Variants in ARHGEF19 observed in about 807,000 individuals in gnomAD.
The protein encoded by ARHGEF19 is Rho guanine nucleotide exchange factor (GEF) 19.
ARHGEF19 carries 92 observed loss-of-function variants against 87.6 expected under a neutral mutation model. That is an observed-to-expected ratio of 1.05 (90% CI 0.89 to 1.25). ARHGEF19 has a LOEUF of 1.25. ARHGEF19 is among the 50% of genes most tolerant of loss of function. The pLI is 0.00. For missense variants in ARHGEF19, 1,054 were observed against 1,051.8 expected (o/e 1.00, Z -0.03); for synonymous variants, 438 against 446.2 (o/e 0.98, Z 0.23).
In ARHGEF19 at chr1:16,202,641, T is replaced by G. The variant is rs972630843; in HGVS notation, c.1908-67A>C. The G allele has an allele frequency of 1.9e-6, 3 of 1,561,800 alleles. No individual in the cohort carries two copies. In the African/African-American group the frequency reaches 4.1e-5, roughly 21 times the overall value. On this transcript the variant is annotated intron_variant, in intron 12 of 15. Transcript: ENST00000270747. ...TGGCTCTAGGCACCCACCCTCGGGA[T>G]CAGGTGGGTTCTGACTGGAAGTGGG...
rs1371843774 is a variant in ARHGEF19 at position 16,207,876 on chromosome 1, G to T, written c.694+68C>A. The T allele has an allele frequency of 8.2e-6, 13 of 1,584,364 alleles. No homozygotes were observed. The highest frequency in any genetic ancestry group is 1.1e-5 in the Non-Finnish European group (13 of 1,165,712). On this transcript the variant is annotated intron_variant, in intron 3 of 15. Transcript: ENST00000270747. This position sits in a 1 kb window ranked among gnomAD's most constrained non-coding sequence, Gnocchi z 4.0. ...TGACGGCCTCAGGCGGCCGGTGAGT[G>T]GGCATCGCCCACCCCCACCCCCACC...
chr1:16,207,020 CCACAGCGAGAAG>C lies in ARHGEF19; in HGVS notation c.1053_1064del (p.Phe352_Trp355del). The C allele has an allele frequency of 6.6e-7, 1 of 1,517,574 alleles. No individual in the cohort carries two copies. The highest frequency in any genetic ancestry group is 2.7e-5 in the East Asian group (1 of 36,600). The allele number at this position is 1,517,574 out of a possible 1,614,324, so 94.0% of individuals were successfully genotyped here. ...TGCCGCGTACGTCGGGGATATCCTG[CCACAGCGAGAAG>C]GTGGAGCCTCGCGCCGAGCGCTGCG... On this transcript the variant is annotated inframe_deletion, in exon 6 of 16. Coordinates refer to ENST00000270747, the MANE Select transcript of ARHGEF19 (RefSeq NM_153213.5). The surrounding 1 kb of genome is among the most constrained non-coding windows in gnomAD (Gnocchi z 4.0).
At chr1:16,201,126 G>A (rs2081080535) in intron 14 of ARHGEF19, among the ~76,000 whole-genome samples, 1 of 151,970 alleles carries the variant, frequency 6.6e-6, no homozygotes, top group Non-Finnish European at 1.5e-5. Flanking sequence ...AAAGGCTAAG[G>A]CAGGAGGATC....
chr1:16,204,931 G>GGAAAATCT lies in ARHGEF19; in HGVS notation c.1747-13_1747-12insAGATTTTC. 6.3e-7 allele frequency: 1 copy of GGAAAATCT among 1,594,864 alleles called. No homozygotes were observed. Among genetic ancestry groups the GGAAAATCT allele is most frequent in the Non-Finnish European group, 8.5e-7 (1 of 1,169,722 alleles). ...ATCAGCGGGAAAATCTAGAGGGATGGAGAAGGATGGGTCAGGCCCAGGGGC... is the reference window on the plus strand; with the variant it reads ...ATCAGCGGGAAAATCTAGAGGGATGGGAAAATCTAGAAGGATGGGTCAGGCCCAGGGGC... On this transcript the variant is annotated splice_polypyrimidine_tract_variant and intron_variant, in intron 11 of 15. Coordinates refer to ENST00000270747, the MANE Select transcript of ARHGEF19 (RefSeq NM_153213.5).
Position 16,204,785 on chromosome 1 carries a change from G to A in ARHGEF19, c.1881C>T (p.Asp627=). 6.2e-7 allele frequency: 1 copy of A among 1,610,812 alleles called. No individual in the cohort carries two copies. The highest frequency in any genetic ancestry group is 8.5e-7 in the Non-Finnish European group (1 of 1,177,588). ...CCTTCCGCCGAGAGAGCAGCAAGCA[G>A]TCATTGAAGAGGTGGAGGTAGACTG... ...SKAVYLHLFN[D]CLLLSRRKEL... Residue 627 remains aspartate (D), a synonymous_variant, in exon 12 of 16, where the codon GAC becomes GAT. Transcript: ENST00000270747.
chr1:16,203,431 C>A (rs1440251670), intron 12 of ARHGEF19, among the ~76,000 whole-genome samples: 1 of 152,140 alleles, frequency 6.6e-6, no homozygotes, highest in African/African-American at 2.4e-5. Context: ...TCCTGAAGTA[C>A]CCTGCCACTT....
In ARHGEF19 at chr1:16,206,038, G is replaced by A. The variant is rs890369049; in HGVS notation, c.1344C>T (p.Arg448=). 3.3e-5 allele frequency: 52 copies of A among 1,592,958 alleles called. No individual in the cohort carries two copies. Among genetic ancestry groups the A allele is most frequent in the Non-Finnish European group, 4.1e-5 (48 of 1,169,850 alleles). The change falls in exon 8 of 16, where the codon CGC becomes CGT. Residue 448 remains arginine, a synonymous_variant. Coordinates refer to ENST00000270747, the MANE Select transcript of ARHGEF19 (RefSeq NM_153213.5). The surrounding 1 kb of genome is among the most constrained non-coding windows in gnomAD (Gnocchi z 4.6). ...CCAGCACCACGTCGCACACGCTGAA[G>A]CGCAGCACATCTGCCTCCAGCCGCT... ...LEQRLEADVL[R]FSVCDVVLDH...
At chr1:16,209,861 C>A (rs1284662159) in intron 1 of ARHGEF19, among the ~76,000 whole-genome samples, 1 of 152,258 alleles carries the variant, frequency 6.6e-6, no homozygotes, top group East Asian at 1.9e-4. Context: ...CTGGGAGGGT[C>A]ATGGACTGGC....
chr1:16,206,509 A>T lies in ARHGEF19; in HGVS notation c.1138-169T>A, dbSNP rs1215389711. On this transcript the variant is annotated intron_variant, in intron 6 of 15. Coordinates refer to ENST00000270747, the MANE Select transcript of ARHGEF19 (RefSeq NM_153213.5). The surrounding 1 kb of genome is among the most constrained non-coding windows in gnomAD (Gnocchi z 4.6). ...CCGGCGACCCACGTCCCGCCGCGGG[A>T]AATTGTGCAAGCCTTTCCTGTCCTC... 7.1e-6 allele frequency: 5 copies of T among 703,484 alleles called. No homozygotes were observed. Among genetic ancestry groups the T allele is most frequent in the Non-Finnish European group, 1.2e-5 (5 of 415,044 alleles). The allele number at this position is 703,484 out of a possible 1,614,324, so 43.6% of individuals were successfully genotyped here.
Position 16,209,081 on chromosome 1 carries a change from G to A in ARHGEF19, c.-27C>T. 6.9e-7 allele frequency: 1 copy of A among 1,442,994 alleles called. No individual in the cohort carries two copies. Among genetic ancestry groups the A allele is most frequent in the South Asian group, 1.6e-5 (1 of 63,912 alleles). The allele number at this position is 1,442,994 out of a possible 1,614,324, so 89.4% of individuals were successfully genotyped here. A position where few individuals can be genotyped will look rare whatever the true frequency, so the allele number is the denominator to read the frequency against. ...CCTCTTTTGCTCTGCCACCCACCTG[G>A]CCCTGCAGAAGAGAAGATATCAGAC... is the stretch of plus-strand genomic sequence containing the variant. On this transcript the variant is annotated splice_region_variant and 5_prime_UTR_variant, in exon 2 of 16. Coordinates refer to ENST00000270747, the MANE Select transcript of ARHGEF19 (RefSeq NM_153213.5).
Position 16,205,791 on chromosome 1 carries a change from T to A in ARHGEF19, c.1452-124A>T, listed in dbSNP as rs2081126060. On this transcript the variant is annotated intron_variant, in intron 8 of 15. Transcript: ENST00000270747. This position sits in a 1 kb window ranked among gnomAD's most constrained non-coding sequence, Gnocchi z 5.8. ...ATCCTTACTGCCCTTTGGGGTTGCATCTCACCTTATCCTGGTCACAGAGAC... is the reference window on the plus strand; with the variant it reads ...ATCCTTACTGCCCTTTGGGGTTGCAACTCACCTTATCCTGGTCACAGAGAC... 3.4e-6 allele frequency: 5 copies of A among 1,485,576 alleles called. No individual in the cohort carries two copies. Among genetic ancestry groups the A allele is most frequent in the Non-Finnish European group, 4.5e-6 (5 of 1,111,856 alleles). The allele number at this position is 1,485,576 out of a possible 1,614,324, so 92.0% of individuals were successfully genotyped here. A position where few individuals can be genotyped will look rare whatever the true frequency, so the allele number is the denominator to read the frequency against.
At chr1:16,208,616 A>C in intron 2 of ARHGEF19, 27 bp downstream of exon 2, 1 of 1,572,088 alleles carries the variant, frequency 6.4e-7, no homozygotes. Context: ...CATGGCACCC[A>C]CACCCGCCTT....
At position 16,198,864 on chromosome 1, in the gene ARHGEF19, C is replaced by T; in HGVS notation, c.2252-120G>A. The T allele has an allele frequency of 8.1e-7, 1 of 1,234,650 alleles. No homozygotes were observed. Among genetic ancestry groups the T allele is most frequent in the Admixed American group, 2.7e-5 (1 of 37,592 alleles). The allele number at this position is 1,234,650 out of a possible 1,614,324, so 76.5% of individuals were successfully genotyped here. On this transcript the variant is annotated intron_variant, in intron 15 of 15. Coordinates refer to ENST00000270747, the MANE Select transcript of ARHGEF19 (RefSeq NM_153213.5). This position sits in a 1 kb window ranked among gnomAD's most constrained non-coding sequence, Gnocchi z 4.1. ...ACCCTTGGGGCCAAGGTGACATCAT[C>T]TCAGCATCTCTCAGCTCCAGGAAGG...
intron 1 of ARHGEF19, among the ~76,000 whole-genome samples, chr1:16,209,761 T>A (rs546724949): frequency 1.2e-4 from 18 of 152,316 alleles, no homozygotes; most frequent in Non-Finnish European, 2.5e-4. Flanking sequence ...CACAGGTCCT[T>A]GCTCTGATGT....
chr1:16,198,600 TC>T lies in ARHGEF19; in HGVS notation c.2395del (p.Glu799ArgfsTer81). ...RVTSATSKLGEAPV is the reference protein window; with the variant it reads ...RVTSATSKLGXAPV ...CATGGCTGCCCATCACACAGGAGCC[TC>T]CCCCAGTTTGCTGGTGGCACTTGTG... On this transcript the variant is annotated frameshift_variant, in exon 16 of 16. Transcript: ENST00000270747. LOFTEE classifies it high-confidence loss of function. The surrounding 1 kb of genome is among the most constrained non-coding windows in gnomAD (Gnocchi z 4.1). 1 of 1,610,032 alleles carries T rather than the reference TC, an allele frequency of 6.2e-7. No individual in the cohort carries two copies. Among genetic ancestry groups the T allele is most frequent in the Non-Finnish European group, 8.5e-7 (1 of 1,177,834 alleles).
intron 1 of ARHGEF19, among the ~76,000 whole-genome samples, chr1:16,211,157 C>T (rs139003516): frequency 6.6e-6 from 1 of 152,322 alleles, no homozygotes; most frequent in African/African-American, 2.4e-5. Flanking sequence ...TTTTTATTAT[C>T]ATCAGTCTTT....
chr1:16,205,996 G>T lies in ARHGEF19; in HGVS notation c.1386C>A (p.Phe462Leu). ...CDVVLDHCPA[F>L]RRVYLPYVTN... ...TGACATAGGGCAGGTAGACTCTGCG[G>T]AAGGCCGGGCAGTGGTCCAGCACCA... is the stretch of plus-strand genomic sequence containing the variant. Residue 462 changes from phenylalanine to leucine, a missense_variant, in exon 8 of 16, where the codon TTC (phenylalanine) becomes TTA (leucine). Transcript: ENST00000270747. This position sits in a 1 kb window ranked among gnomAD's most constrained non-coding sequence, Gnocchi z 5.8. The T allele has an allele frequency of 6.2e-7, 1 of 1,609,856 alleles. No individual in the cohort carries two copies. The highest frequency in any genetic ancestry group is 8.5e-7 in the Non-Finnish European group (1 of 1,178,214).
At chr1:16,202,010 GC>G in intron 13 of ARHGEF19, 149 bp from the exon 14 acceptor site, 1 of 765,312 alleles carries the variant, frequency 1.3e-6, no homozygotes, top group Admixed American at 2.6e-5. Context: ...CCACCCCAGG[GC>G]CCACCCCACA....
Position 16,198,645 on chromosome 1 carries a change from A to T in ARHGEF19, c.2351T>A (p.Leu784His). 1.2e-6 allele frequency: 2 copies of T among 1,613,576 alleles called. No individual in the cohort carries two copies. The highest frequency in any genetic ancestry group is 1.7e-6 in the Non-Finnish European group (2 of 1,179,718). Residue 784 changes from leucine to histidine, a missense_variant, in exon 16 of 16, where the codon CTC (leucine) becomes CAC (histidine). Coordinates refer to ENST00000270747, the MANE Select transcript of ARHGEF19 (RefSeq NM_153213.5). The surrounding 1 kb of genome is among the most constrained non-coding windows in gnomAD (Gnocchi z 4.1). ...ACTTGTGACTCGCTTATTCTCCCGGAGGTTTCGGAGGCGGGCGCTGAGGCT... is the reference window on the plus strand; with the variant it reads ...ACTTGTGACTCGCTTATTCTCCCGGTGGTTTCGGAGGCGGGCGCTGAGGCT... Reference protein sequence around the residue: ...ISSLSARLRNLRENKRVTSAT... With the variant: ...ISSLSARLRNHRENKRVTSAT...
Sources: allele counts gnomAD v4.1 joint callset (sites outside exome capture counted in the v4.1 genomes callset), GRCh38; gene constraint gnomAD v4.1.1; non-coding constraint Gnocchi (gnomAD v3.1); transcripts MANE v1.5; gene names NCBI Gene and HGNC (gene_info 2026-07-23, HGNC 2026-07-21).